PRSS16: variants seen among roughly 807,000 people sequenced by gnomAD.
PRSS16 encodes serine protease 16.
Under a neutral mutation model 61.7 loss-of-function variants are expected in PRSS16, and 43 were observed. That is an observed-to-expected ratio of 0.70 (90% confidence interval 0.55 to 0.90). The LOEUF is 0.90. Ranked by LOEUF, PRSS16 falls within the 40% of genes least tolerant of loss-of-function variation. PRSS16 has a pLI of 0.00. For synonymous variants in PRSS16, 273 were observed against 285.2 expected, an observed-to-expected ratio of 0.96 and a Z score of 0.43; for missense variants, 591 against 659.1, an observed-to-expected ratio of 0.90 and a Z score of 1.13.
At position 27,250,825 on chromosome 6, in the gene PRSS16, G is replaced by T. The variant is rs1160458587; in HGVS notation, c.591+19G>T. The T allele has an allele frequency of 6.3e-7, 1 of 1,595,104 alleles. No homozygotes were observed. The highest frequency in any genetic ancestry group is 1.3e-5 in the African/African-American group (1 of 74,498). Reference sequence around the variant, plus strand: ...GCTGAAGGTCCTGCGACTCCTCCGGGTGGGCTGGGGGGAGGGAACTCGGAC... The same window carrying T: ...GCTGAAGGTCCTGCGACTCCTCCGGTTGGGCTGGGGGGAGGGAACTCGGAC... On this transcript the variant is annotated intron_variant, in intron 5 of 11. Transcript: ENST00000230582.
At position 27,248,856 on chromosome 6, in the gene PRSS16, G is replaced by C; in HGVS notation, c.247G>C (p.Val83Leu). The change falls in exon 3 of 12, where the codon GTG (valine) becomes CTG (leucine). Residue 83 changes from valine (V) to leucine (L), a missense_variant. Physicochemically the swap from Val to Leu is conservative, Grantham distance 32 (BLOSUM62 1). Coordinates refer to ENST00000230582, the MANE Select transcript of PRSS16 (RefSeq NM_005865.4). ...CCATCCCACCTCTCAGCGTTACTGG[G>C]TGAATGACCAACATTGGGTTGGCCA... Reference protein sequence around the residue: ...DRRSFLQRYWVNDQHWVGQDG... With the variant: ...DRRSFLQRYWLNDQHWVGQDG... The C allele has an allele frequency of 1.2e-6, 2 of 1,608,310 alleles. No homozygotes were observed. The highest frequency in any genetic ancestry group is 1.7e-6 in the Non-Finnish European group (2 of 1,176,620).
At chr6:27,253,146 A>G (rs1678154413) in intron 9 of PRSS16, 197 bp downstream of exon 9, 2 of 637,516 alleles carry the variant, frequency 3.1e-6, no homozygotes, top group Admixed American at 5.3e-5. Flanking sequence ...CTCCTCACGC[A>G]CACACTGAGG....
Position 27,248,956 on chromosome 6 carries a change from A to C in PRSS16, c.337+10A>C. 6.3e-7 allele frequency: 1 copy of C among 1,596,988 alleles called. No individual in the cohort carries two copies. The highest frequency in any genetic ancestry group is 8.6e-7 in the Non-Finnish European group (1 of 1,168,780). On this transcript the variant is annotated intron_variant, in intron 3 of 11. Coordinates refer to ENST00000230582, the MANE Select transcript of PRSS16 (RefSeq NM_005865.4). ...GGCTCAGTGATGAGAGGTAAGAGGC[A>C]ATGTTGGGGGAAAGGAGTTGGGATG...
intron 2 of PRSS16, 42 bp from the exon 3 acceptor site, chr6:27,248,805 A>G: frequency 1.5e-6 from 2 of 1,311,010 alleles, no homozygotes; most frequent in Non-Finnish European, 2.2e-6. Flanking sequence ...ATAAGTCAGG[A>G]CTCTCACAGT....
In PRSS16 at chr6:27,251,772, C is replaced by T; in HGVS notation, c.740C>T (p.Ala247Val). 1 of 1,607,096 alleles carries T rather than the reference C, an allele frequency of 6.2e-7. No homozygotes were observed. ...CAGTGCCGGGCGGCGGTGTCCGTCGCCTTCGCTGAAGTGGAGCGGCGGCTG... is the reference window on the plus strand; with the variant it reads ...CAGTGCCGGGCGGCGGTGTCCGTCGTCTTCGCTGAAGTGGAGCGGCGGCTG... ...SLECRAAVSV[A>V]FAEVERRLRS... Residue 247 changes from alanine to valine, a missense_variant, in exon 8 of 12, where the codon GCC becomes GTC. Coordinates refer to ENST00000230582, the MANE Select transcript of PRSS16 (RefSeq NM_005865.4). This position sits in a 1 kb window ranked among gnomAD's most constrained non-coding sequence, Gnocchi z 5.6.
chr6:27,252,904 G>C lies in PRSS16; in HGVS notation c.1105G>C (p.Gly369Arg), dbSNP rs1329633831. 9 of 1,614,058 alleles carry C rather than the reference G, an allele frequency of 5.6e-6. No homozygotes were observed. Among genetic ancestry groups the C allele is most frequent in the Non-Finnish European group, 6.8e-6 (8 of 1,180,036 alleles). The change falls in exon 9 of 12, where the codon GGT becomes CGT. Residue 369 changes from glycine to arginine, a missense_variant. Gly to Arg is a moderately radical substitution (Grantham distance 125). Coordinates refer to ENST00000230582, the MANE Select transcript of PRSS16 (RefSeq NM_005865.4). The surrounding 1 kb of genome is among the most constrained non-coding windows in gnomAD (Gnocchi z 4.2). ...CACAGAACCTCAACTGTCTGGTGTG[G>C]GTGACCGGCAGTGGTTGTATCAGAC... is the stretch of plus-strand genomic sequence containing the variant. ...RSTEPQLSGV[G>R]DRQWLYQTCT...
At chr6:27,250,642 C>T in intron 4 of PRSS16, 41 bp from the exon 5 acceptor site, 1 of 1,530,620 alleles carries the variant, frequency 6.5e-7, no homozygotes, top group Non-Finnish European at 8.8e-7. Flanking sequence ...TTCAGGGATT[C>T]CCAGCGATGA....
intron 5 of PRSS16, 86 bp from the exon 6 acceptor site, chr6:27,250,956 T>C: frequency 6.3e-7 from 1 of 1,584,774 alleles, no homozygotes; most frequent in Non-Finnish European, 8.6e-7. Context: ...GAGCCCGAGA[T>C]TACACAGCGA....
chr6:27,255,041 A>G lies in PRSS16; in HGVS notation c.1386A>G (p.Glu462=). The change falls in exon 11 of 12, where the codon GAA becomes GAG. Residue 462 remains glutamate, a synonymous_variant. Transcript: ENST00000230582. This position sits in a 1 kb window ranked among gnomAD's most constrained non-coding sequence, Gnocchi z 4.4. ...TAACACAGGCTTTAGGATCCTCAGA[A>G]TCAACTCTTCTTATCCGCACTGGCT... ...LSVTQALGSS[E]STLLIRTGSH... is the part of the protein sequence containing the mutation. The G allele has an allele frequency of 1.2e-6, 2 of 1,613,782 alleles. No individual in the cohort carries two copies. The highest frequency in any genetic ancestry group is 2.2e-5 in the East Asian group (1 of 44,864).
chr6:27,250,946 G>C, intron 5 of PRSS16, 96 bp from the exon 6 acceptor site: 1 of 1,578,424 alleles, frequency 6.3e-7, no homozygotes, highest in Non-Finnish European at 8.6e-7. Flanking sequence ...GTCCTCACAA[G>C]AGCCCGAGAT....
In PRSS16 at chr6:27,252,904, G is replaced by T. The variant is rs1329633831; in HGVS notation, c.1105G>T (p.Gly369Cys). Residue 369 changes from glycine to cysteine, a missense_variant, in exon 9 of 12, where the codon GGT (glycine) becomes TGT (cysteine). Coordinates refer to ENST00000230582, the MANE Select transcript of PRSS16 (RefSeq NM_005865.4). This position sits in a 1 kb window ranked among gnomAD's most constrained non-coding sequence, Gnocchi z 4.2. ...RSTEPQLSGV[G>C]DRQWLYQTCT... The stretch of plus-strand genomic sequence containing the variant: ...CACAGAACCTCAACTGTCTGGTGTG[G>T]GTGACCGGCAGTGGTTGTATCAGAC... 3.1e-6 allele frequency: 5 copies of T among 1,614,176 alleles called. No individual in the cohort carries two copies. The highest frequency in any genetic ancestry group is 4.2e-6 in the Non-Finnish European group (5 of 1,180,028).
rs371470936 is a variant in PRSS16 at position 27,254,938 on chromosome 6, C to T, written c.1331-48C>T. 3.7e-6 allele frequency: 6 copies of T among 1,611,536 alleles called. No individual in the cohort carries two copies. In the Admixed American group the frequency reaches 6.7e-5, roughly 18 times the overall value. On this transcript the variant is annotated intron_variant, in intron 10 of 11. Transcript: ENST00000230582. ...AGCCCCAGCTCAACATAGCCTCATC[C>T]TCTCCCAGCACCCATCTACCTAGCC...
At position 27,251,333 on chromosome 6, in the gene PRSS16, G is replaced by A. The variant is rs1218373025; in HGVS notation, c.717+69G>A. 1.7e-5 allele frequency: 25 copies of A among 1,514,274 alleles called. No individual in the cohort carries two copies. The highest frequency in any genetic ancestry group is 2.2e-5 in the Non-Finnish European group (25 of 1,132,060). The allele number at this position is 1,514,274 out of a possible 1,614,324, so 93.8% of individuals were successfully genotyped here. On this transcript the variant is annotated intron_variant, in intron 7 of 11. Transcript: ENST00000230582. This position sits in a 1 kb window ranked among gnomAD's most constrained non-coding sequence, Gnocchi z 5.6. ...AGGCCTCGGATGCCAGGGAAGAGGA[G>A]GCCAGAGAAGGGCGAAACCTGCAAC...
In PRSS16 at chr6:27,251,614, T is replaced by TGGGGGCGGGGGCCA; in HGVS notation, c.718-133_718-132insGGCGGGGGCCAGGG. On this transcript the variant is annotated intron_variant, in intron 7 of 11. Coordinates refer to ENST00000230582, the MANE Select transcript of PRSS16 (RefSeq NM_005865.4). This position sits in a 1 kb window ranked among gnomAD's most constrained non-coding sequence, Gnocchi z 5.6. ...GGGCGGGGGCCTGGGGGCGGGGGCC[T>TGGGGGCGGGGGCCA]GGGCCAAGAGCTAGGTCTGCACCCT... 3.5e-6 allele frequency: 4 copies of TGGGGGCGGGGGCCA among 1,149,972 alleles called. No individual in the cohort carries two copies. Among genetic ancestry groups the TGGGGGCGGGGGCCA allele is most frequent in the South Asian group, 1.8e-5 (1 of 55,736 alleles). 71.2% of individuals were successfully genotyped at this position (1,149,972 alleles called of 1,614,324 possible).
chr6:27,249,118 C>G lies in PRSS16; in HGVS notation c.356C>G (p.Ala119Gly), dbSNP rs538386848. 1 of 1,517,218 alleles carries G rather than the reference C, an allele frequency of 6.6e-7. No homozygotes were observed. The highest frequency in any genetic ancestry group is 1.1e-5 in the South Asian group (1 of 89,266). 94.0% of individuals were successfully genotyped at this position (1,517,218 alleles called of 1,614,324 possible). Residue 119 changes from alanine (A) to glycine (G), a missense_variant, in exon 4 of 12, where the codon GCC becomes GGC. Ala to Gly is a moderately conservative substitution (Grantham distance 60). Coordinates refer to ENST00000230582, the MANE Select transcript of PRSS16 (RefSeq NM_005865.4). The part of the protein sequence containing the change: ...SVMRGHPAAL[A>G]PAWGALVISL... ...TTCACAGGCCATCCCGCAGCCTTGG[C>G]CCCAGCCTGGGGCGCCCTGGTGATA...
rs1362443522 is a variant in PRSS16, at chr6:27,256,467, A to G, written c.*1152A>G. 2 of 152,668 alleles carry G rather than the reference A, an allele frequency of 1.3e-5. No homozygotes were observed. Among genetic ancestry groups the G allele is most frequent in the Non-Finnish European group, 2.9e-5 (2 of 68,048 alleles). The allele number at this position is 152,668 out of a possible 1,614,324, so 9.5% of individuals were successfully genotyped here. On this transcript the variant is annotated 3_prime_UTR_variant, in exon 12 of 12. Coordinates refer to ENST00000230582, the MANE Select transcript of PRSS16 (RefSeq NM_005865.4). ...TTCTCAGCTTTTTGTATGTCTTTGT[A>G]TGCACAGAGATGGTAGTTTTAGAGT...
At chr6:27,248,152 T>C in intron 2 of PRSS16, 104 bp downstream of exon 2, 2 of 1,275,454 alleles carry the variant, frequency 1.6e-6, no homozygotes, top group Non-Finnish European at 2.1e-6. Context: ...ACCTCAGTTC[T>C]CCCCATCCCT....
In PRSS16 at chr6:27,251,508, C is replaced by A; in HGVS notation, c.718-242C>A. On this transcript the variant is annotated intron_variant, in intron 7 of 11. Transcript: ENST00000230582. This position sits in a 1 kb window ranked among gnomAD's most constrained non-coding sequence, Gnocchi z 5.6. ...GGGACAATCCTATCCGGAGGTGAGG[C>A]TCAAGGTGGGGCGGGGCCACAATGG... 1 of 723,244 alleles carries A rather than the reference C, an allele frequency of 1.4e-6. No individual in the cohort carries two copies. The highest frequency in any genetic ancestry group is 2.2e-6 in the Non-Finnish European group (1 of 460,878). The allele number at this position is 723,244 out of a possible 1,614,324, so 44.8% of individuals were successfully genotyped here. A position where few individuals can be genotyped will look rare whatever the true frequency, so the allele number is the denominator to read the frequency against.
At position 27,252,942 on chromosome 6, in the gene PRSS16, C is replaced by T. The variant is rs191407230; in HGVS notation, c.1143C>T (p.Phe381=). ...RQWLYQTCTE[F]GFYVTCENPR... Reference sequence around the variant, plus strand: ...GGTTGTATCAGACATGTACCGAGTTCGGCTTCTGTAAGTGACTGGCCTAAC... The same window carrying T: ...GGTTGTATCAGACATGTACCGAGTTTGGCTTCTGTAAGTGACTGGCCTAAC... The change falls in exon 9 of 12, where the codon TTC becomes TTT. Residue 381 remains phenylalanine (F), a synonymous_variant. Transcript: ENST00000230582. This position sits in a 1 kb window ranked among gnomAD's most constrained non-coding sequence, Gnocchi z 4.2. 40 of 1,614,120 alleles carry T rather than the reference C, an allele frequency of 2.5e-5. No homozygotes were observed. Among genetic ancestry groups the T allele is most frequent in the African/African-American group, 1.5e-4 (11 of 75,016 alleles).
Sources: allele counts gnomAD v4.1 joint callset, GRCh38; gene constraint gnomAD v4.1.1; non-coding constraint Gnocchi (gnomAD v3.1); transcripts MANE v1.5; gene names NCBI Gene and HGNC (gene_info 2026-07-23, HGNC 2026-07-21).